KLF12: variants seen among roughly 807,000 people sequenced by gnomAD.
KLF12 encodes KLF transcription factor 12.
KLF12 carries 9 observed loss-of-function variants against 37.8 expected under a neutral mutation model. That is an observed-to-expected ratio of 0.24 (90% CI 0.14 to 0.42). KLF12 has a LOEUF of 0.42. Ranked by LOEUF, KLF12 falls within the 10% of genes least tolerant of loss-of-function variation. The pLI is 1.00. For synonymous variants in KLF12, 208 were observed against 202.1 expected, an observed-to-expected ratio of 1.03 and a Z score of -0.25; for missense variants, 411 against 516.0, an observed-to-expected ratio of 0.80 and a Z score of 1.97.
intron 5 of KLF12, among the ~76,000 whole-genome samples, chr13:73,772,665 T>C (rs908812460): frequency 6.6e-6 from 1 of 152,072 alleles, no homozygotes; most frequent in African/African-American, 2.4e-5. Flanking sequence ...TCGTGTGTTG[T>C]GGTAAATGGT....
At chr13:74,203,213 A>C in the KLF12 span, among the ~76,000 whole-genome samples, 129 of 152,160 alleles carry the variant, frequency 8.5e-4, no homozygotes, top group Non-Finnish European at 1.4e-3. Context: ...GCTGCTACAA[A>C]TCTGGAGCTG....
the KLF12 span, among the ~76,000 whole-genome samples, chr13:74,181,939 T>C: frequency 1.3e-5 from 2 of 152,236 alleles, no homozygotes; most frequent in African/African-American, 4.8e-5. Context: ...AGTTTGTGTA[T>C]GTGCACATAT....
intron 1 of KLF12, among the ~76,000 whole-genome samples, chr13:74,119,819 A>G (rs961769157): frequency 1.3e-5 from 2 of 152,126 alleles, no homozygotes; most frequent in Non-Finnish European, 2.9e-5. Context: ...AAATTTCTGA[A>G]AAACTAAGAA....
chr13:74,179,554 G>A, the KLF12 span, among the ~76,000 whole-genome samples: 9 of 152,116 alleles, frequency 5.9e-5, no homozygotes, highest in African/African-American at 9.7e-5. Context: ...TAGGCTATAC[G>A]TTAGGGAAAA....
intron 3 of KLF12, among the ~76,000 whole-genome samples, chr13:73,907,395 T>C (rs892625688): frequency 6.6e-6 from 1 of 152,170 alleles, no homozygotes; most frequent in Non-Finnish European, 1.5e-5. Context: ...TAGACTATCC[T>C]ATCCTCTTTG....
chr13:73,797,926 T>C (rs1882082108), intron 5 of KLF12, among the ~76,000 whole-genome samples: 1 of 152,204 alleles, frequency 6.6e-6, no homozygotes, highest in Admixed American at 6.5e-5. Flanking sequence ...CACATTCTTC[T>C]TCCTGATTGT....
At chr13:74,245,296 T>TCTAA in the KLF12 span, among the ~76,000 whole-genome samples, 1 of 50,140 alleles carries the variant, frequency 2.0e-5, no homozygotes, top group Non-Finnish European at 4.3e-5. Context: ...GATAAGTTTA[T>TCTAA]CTATCTATCT....
the KLF12 span, among the ~76,000 whole-genome samples, chr13:74,233,906 A>T: frequency 2.1e-4 from 32 of 152,328 alleles, no homozygotes; most frequent in Non-Finnish European, 3.5e-4. Context: ...TGAAATAAAA[A>T]ACACAATGCC....
chr13:73,750,096 A>G (rs1021132198), intron 6 of KLF12, among the ~76,000 whole-genome samples: 1 of 152,228 alleles, frequency 6.6e-6, no homozygotes, highest in African/African-American at 2.4e-5. Context: ...GTCAGGCATA[A>G]CAACGATAAA....
At chr13:73,738,108 T>TACACACAC (rs1877625734) in intron 6 of KLF12, among the ~76,000 whole-genome samples, 4 of 58,690 alleles carry the variant, frequency 6.8e-5, no homozygotes, top group African/African-American at 4.7e-4. Context: ...TATATATATA[T>TACACACAC]ATATATATAT....
At position 73,902,611 on chromosome 13, in the gene KLF12, A is replaced by G. The variant is rs115237587; in HGVS notation, c.123+41370T>C. Among the ~76,000 whole-genome samples, 1,167 of 152,334 alleles carry G rather than the reference A, an allele frequency of 7.7e-3. 19 individuals carry two copies. Among genetic ancestry groups the G allele is most frequent in the African/African-American group, 0.027 (1,128 of 41,578 alleles). On this transcript the variant is annotated intron_variant, in intron 3 of 7. Coordinates refer to ENST00000377669, the MANE Select transcript of KLF12 (RefSeq NM_007249.5). ...TTACTTTATTTAGGAGAATGGTCGC[A>G]CTTACACAAAACATTCTAAAGTGTT... is the stretch of plus-strand genomic sequence containing the variant.
intron 6 of KLF12, among the ~76,000 whole-genome samples, chr13:73,721,327 AG>A (rs1876228496): frequency 6.6e-6 from 1 of 151,976 alleles, no homozygotes; most frequent in Admixed American, 6.5e-5. Flanking sequence ...ATATGATAGA[AG>A]GGGAAAAAGC....
chr13:74,269,775 C>T, the KLF12 span, among the ~76,000 whole-genome samples: 6 of 152,232 alleles, frequency 3.9e-5, no homozygotes, highest in Non-Finnish European at 5.9e-5. Context: ...TATAAATTTT[C>T]GTCTTTCTCA....
At chr13:74,205,754 G>T in the KLF12 span, among the ~76,000 whole-genome samples, 1 of 152,104 alleles carries the variant, frequency 6.6e-6, no homozygotes, top group African/African-American at 2.4e-5. Flanking sequence ...TCATTACTGG[G>T]TAGAGAGGTT....
At chr13:73,839,973 A>G (rs1362384314) in intron 4 of KLF12, among the ~76,000 whole-genome samples, 2 of 152,158 alleles carry the variant, frequency 1.3e-5, no homozygotes, top group Non-Finnish European at 2.9e-5. Flanking sequence ...AACTCTTTAA[A>G]GCAAAACTAC....
chr13:74,075,857 A>G (rs1874530060), intron 1 of KLF12, among the ~76,000 whole-genome samples: 1 of 152,210 alleles, frequency 6.6e-6, no homozygotes, highest in African/African-American at 2.4e-5. Flanking sequence ...ACACCAGCAG[A>G]AAGTGTCTCT....
chr13:74,067,216 A>T (rs1374984636), intron 1 of KLF12, among the ~76,000 whole-genome samples: 1 of 151,550 alleles, frequency 6.6e-6, no homozygotes, highest in Non-Finnish European at 1.5e-5. Flanking sequence ...TTGAAAATGA[A>T]GTGAGATTTT....
intron 3 of KLF12, among the ~76,000 whole-genome samples, chr13:73,873,955 C>A (rs1284919331): frequency 6.6e-6 from 1 of 151,712 alleles, no homozygotes; most frequent in African/African-American, 2.4e-5. Context: ...AAGCAAATAA[C>A]TCATTAAAAA....
chr13:73,824,618 C>T (rs906167745), intron 4 of KLF12, among the ~76,000 whole-genome samples: 8 of 151,948 alleles, frequency 5.3e-5, no homozygotes, highest in African/African-American at 1.5e-4. Context: ...GGTTGAAGGA[C>T]GTATTTGTTC....
Sources: allele counts gnomAD v4.1 joint callset (sites outside exome capture counted in the v4.1 genomes callset), GRCh38; gene constraint gnomAD v4.1.1; transcripts MANE v1.5; gene names NCBI Gene and HGNC (gene_info 2026-07-23, HGNC 2026-07-21).